Variants in VIPR2 observed in about 807,000 individuals in gnomAD.
The protein encoded by VIPR2 is vasoactive intestinal peptide receptor 2.
In VIPR2, 48 loss-of-function variants were observed where a neutral mutation model predicts 58.0. The observed-to-expected ratio is 0.83, with a 90% CI of 0.66 to 1.05. The LOEUF (loss-of-function observed/expected upper bound fraction) is 1.05. Ranked by LOEUF, VIPR2 falls within the 50% of genes least tolerant of loss-of-function variation. The pLI, the probability that VIPR2 is intolerant of heterozygous loss-of-function variation, is 0.00. For synonymous variants in VIPR2, 243 were observed against 235.2 expected (o/e 1.03, Z -0.30); for missense variants, 534 against 558.0 (o/e 0.96, Z 0.43).
At chr7:159,116,713 T>C (rs1274434211) in intron 2 of VIPR2, among the ~76,000 whole-genome samples, 1 of 148,490 alleles carries the variant, frequency 6.7e-6, no homozygotes, top group Non-Finnish European at 1.5e-5. Flanking sequence ...GAACAAGTTC[T>C]TACCGGTATG....
At chr7:159,137,091 T>C (rs1585570842) in intron 2 of VIPR2, among the ~76,000 whole-genome samples, 1 of 151,678 alleles carries the variant, frequency 6.6e-6, no homozygotes, top group Non-Finnish European at 1.5e-5. Flanking sequence ...GCAGGAGGGG[T>C]GGGGAGGAAG....
At chr7:159,138,767 C>T (rs1028490151) in intron 2 of VIPR2, among the ~76,000 whole-genome samples, 1 of 152,178 alleles carries the variant, frequency 6.6e-6, no homozygotes, top group Non-Finnish European at 1.5e-5. Flanking sequence ...CAACTTGGGG[C>T]TGGCAGCAGT....
intron 2 of VIPR2, among the ~76,000 whole-genome samples, chr7:159,121,227 C>G (rs977332441): frequency 2.0e-5 from 3 of 149,838 alleles, no homozygotes; most frequent in African/African-American, 7.4e-5. Flanking sequence ...CCTCCTTCCT[C>G]GTCGTGCGGG....
rs200527087 is a variant in VIPR2 at position 159,119,900 on chromosome 7, T to TC, written c.152-9982dup. On this transcript the variant is annotated intron_variant, in intron 2 of 12. Coordinates refer to ENST00000262178, the MANE Select transcript of VIPR2 (RefSeq NM_003382.5). ...TAGGTGGGGTTGGAAGAAACGCCTG[T>TC]CCCCTTGATGCACAAAGCCTGGTAG... Among the ~76,000 whole-genome samples the TC allele has an allele frequency of 7.9e-3, 1,165 of 146,998 alleles. 21 individuals are homozygous for TC. Among genetic ancestry groups the TC allele is most frequent in the African/African-American group, 0.027 (1,075 of 39,464 alleles).
chr7:159,103,873 A>G lies in VIPR2; in HGVS notation c.260-19T>C. ...ATGTTTCCTGGAAAGTGAAGTTCAG[A>G]TATTTTATCTGCAAGTCCATGAAAA... On this transcript the variant is annotated intron_variant, in intron 3 of 12. Transcript: ENST00000262178. 1 of 1,603,828 alleles carries G rather than the reference A, an allele frequency of 6.2e-7. No individual in the cohort carries two copies. The highest frequency in any genetic ancestry group is 1.1e-5 in the South Asian group (1 of 90,866).
At chr7:159,059,265 C>G (rs762889396) in intron 4 of VIPR2, 1 of 470,782 alleles carries the variant, frequency 2.1e-6, no homozygotes, top group South Asian at 1.5e-5. Flanking sequence ...GTGCCTGTTG[C>G]GATAAAAACC....
At chr7:159,071,642 G>A (rs775796896) in intron 4 of VIPR2, among the ~76,000 whole-genome samples, 2 of 152,164 alleles carry the variant, frequency 1.3e-5, no homozygotes, top group Non-Finnish European at 2.9e-5. Flanking sequence ...AGGAGAACAG[G>A]TGCAAAGAGT....
chr7:159,093,811 C>T lies in VIPR2; in HGVS notation c.357+9946G>A, dbSNP rs987036948. Among the ~76,000 whole-genome samples the T allele has an allele frequency of 1.3e-5, 2 of 150,808 alleles. No individual in the cohort carries two copies. The highest frequency in any genetic ancestry group is 6.6e-5 in the Admixed American group (1 of 15,240). On this transcript the variant is annotated intron_variant, in intron 4 of 12. Transcript: ENST00000262178. The surrounding 1 kb of genome is among the most constrained non-coding windows in gnomAD (Gnocchi z 6.7). Reference sequence around the variant, plus strand: ...TCCGGACAGGGGAGAGGCCCTGCAGCGTCCCTGGGTCCGGACATGGGAGAG... The same window carrying T: ...TCCGGACAGGGGAGAGGCCCTGCAGTGTCCCTGGGTCCGGACATGGGAGAG...
At position 159,127,482 on chromosome 7, in the gene VIPR2, T is replaced by C. The variant is rs1796697813; in HGVS notation, c.151+14964A>G. On this transcript the variant is annotated intron_variant, in intron 2 of 12. Coordinates refer to ENST00000262178, the MANE Select transcript of VIPR2 (RefSeq NM_003382.5). This position sits in a 1 kb window ranked among gnomAD's most constrained non-coding sequence, Gnocchi z 4.6. ...GATAGAACCTATGAATTTTTAAGAA[T>C]GTGCTGAATCCAAAACAACCCAAAC... Among the ~76,000 whole-genome samples, 1 of 152,216 alleles carries C rather than the reference T, an allele frequency of 6.6e-6. No individual in the cohort carries two copies. The highest frequency in any genetic ancestry group is 2.1e-4 in the South Asian group (1 of 4,832).
At chr7:159,080,056 C>T (rs1856826922) in intron 4 of VIPR2, among the ~76,000 whole-genome samples, 1 of 152,182 alleles carries the variant, frequency 6.6e-6, no homozygotes, top group African/African-American at 2.4e-5. Context: ...GAGCTGATAC[C>T]ATTCCTTCTG....
rs558108296 is a variant in VIPR2 at position 159,068,810 on chromosome 7, G to A, written c.358-10232C>T. On this transcript the variant is annotated intron_variant, in intron 4 of 12. Transcript: ENST00000262178. ...ATTTCCTTTCTGAGACATTCCCATG[G>A]GGAGCAGAGTGGAATGGCTGCTCTT... Among the ~76,000 whole-genome samples, 53 of 152,294 alleles carry A rather than the reference G, an allele frequency of 3.5e-4. No individual in the cohort carries two copies. The South Asian group carries it at 3.9e-3, about 11-fold the overall frequency.
In VIPR2 at chr7:159,093,545, A is replaced by G. The variant is rs1458474921; in HGVS notation, c.357+10212T>C. ...CAAAAATAACCACTTCCCTGGGCTG[A>G]AAACTCCCCTGGAGTCTGTCAGTGC... On this transcript the variant is annotated intron_variant, in intron 4 of 12. Coordinates refer to ENST00000262178, the MANE Select transcript of VIPR2 (RefSeq NM_003382.5). The surrounding 1 kb of genome is among the most constrained non-coding windows in gnomAD (Gnocchi z 6.7). 7.2e-5 allele frequency among the ~76,000 whole-genome samples: 11 copies of G among 152,192 alleles called. No homozygotes were observed.
chr7:159,123,309 A>AG (rs1796534550), intron 2 of VIPR2, among the ~76,000 whole-genome samples: 1 of 149,202 alleles, frequency 6.7e-6, no homozygotes, highest in Non-Finnish European at 1.5e-5. Context: ...AAAAAAAAAA[A>AG]AAAAAAGAAA....
At chr7:159,130,512 C>T (rs1215350149) in intron 2 of VIPR2, among the ~76,000 whole-genome samples, 1 of 146,574 alleles carries the variant, frequency 6.8e-6, no homozygotes, top group East Asian at 1.9e-4. Context: ...CCAACCACTC[C>T]TGTAGCCCCA....
At chr7:159,041,360 C>T (rs1439025389) in intron 6 of VIPR2, among the ~76,000 whole-genome samples, 2 of 152,220 alleles carry the variant, frequency 1.3e-5, no homozygotes, top group Admixed American at 1.3e-4. Flanking sequence ...TCCCGAGGGC[C>T]ACCACTTTCC....
chr7:159,143,492 T>C (rs1797560312), intron 1 of VIPR2, among the ~76,000 whole-genome samples: 1 of 151,644 alleles, frequency 6.6e-6, no homozygotes, highest in Non-Finnish European at 1.5e-5. Flanking sequence ...TCAATGAGAG[T>C]TCCAACCAGG....
chr7:159,081,499 T>C (rs550181622), intron 4 of VIPR2, among the ~76,000 whole-genome samples: 1 of 152,204 alleles, frequency 6.6e-6, no homozygotes, highest in Non-Finnish European at 1.5e-5. Context: ...ATGTTAGACC[T>C]AAAACCATAA....
At chr7:159,100,213 G>A (rs1858122156) in intron 4 of VIPR2, among the ~76,000 whole-genome samples, 1 of 152,178 alleles carries the variant, frequency 6.6e-6, no homozygotes, top group South Asian at 2.1e-4. Flanking sequence ...GACTACCAGG[G>A]CCTGGCTGTG....
Position 159,030,435 on chromosome 7 carries a change from A to G in VIPR2, c.*181T>C. On this transcript the variant is annotated 3_prime_UTR_variant, in exon 13 of 13. Coordinates refer to ENST00000262178, the MANE Select transcript of VIPR2 (RefSeq NM_003382.5). ...AAATGCTGGAGTTTAAATCGAGTCA[A>G]TGACAACACGACTCCAATTCCAGGT... The G allele has an allele frequency of 1.6e-6, 1 of 627,256 alleles. No homozygotes were observed. Among genetic ancestry groups the G allele is most frequent in the South Asian group, 3.0e-5 (1 of 32,918 alleles). 38.9% of individuals were successfully genotyped at this position (627,256 alleles called of 1,614,324 possible). A position where few individuals can be genotyped will look rare whatever the true frequency, so the allele number is the denominator to read the frequency against.
Sources: gnomAD v4.1 joint callset for allele counts (sites outside exome capture counted in the v4.1 genomes callset) on GRCh38, gnomAD v4.1.1 for gene constraint, Gnocchi (gnomAD v3.1) non-coding constraint, MANE v1.5 for transcripts, NCBI Gene and HGNC (gene_info 2026-07-23, HGNC 2026-07-21) for gene names.